Variants in DNAAF9 observed in about 807,000 individuals in gnomAD.
DNAAF9 encodes dynein axonemal assembly factor 9.
DNAAF9 carries 90 observed loss-of-function variants against 167.0 expected under a neutral mutation model. That is an observed-to-expected ratio of 0.54 (90% confidence interval 0.45 to 0.64). DNAAF9 has a LOEUF of 0.64. DNAAF9 is among the 30% of genes least tolerant of loss of function. DNAAF9 has a pLI of 0.00. For missense variants in DNAAF9, 1,315 were observed against 1,442.2 expected (o/e 0.91, Z 1.43); for synonymous variants, 491 against 508.8 (o/e 0.96, Z 0.47).
rs114821158 is a variant in DNAAF9 at position 3,330,337 on chromosome 20, G to A, written c.1100+309C>T. 2.8e-3 allele frequency among the ~76,000 whole-genome samples: 433 copies of A among 152,204 alleles called. 4 individuals are homozygous for A. Among genetic ancestry groups the A allele is most frequent in the African/African-American group, 9.6e-3 (399 of 41,518 alleles). ...AGCTCAGTGAAATCTCGACCTCCCAGGCTTAAGTGATCCTCCCACCTCAGC... is the reference window on the plus strand; with the variant it reads ...AGCTCAGTGAAATCTCGACCTCCCAAGCTTAAGTGATCCTCCCACCTCAGC... On this transcript the variant is annotated intron_variant, in intron 12 of 36. Coordinates refer to ENST00000252032, the MANE Select transcript of DNAAF9 (RefSeq NM_001009984.3).
At chr20:3,345,925 C>T (rs1431969874) in intron 8 of DNAAF9, among the ~76,000 whole-genome samples, 7 of 151,964 alleles carry the variant, frequency 4.6e-5, no homozygotes, top group Admixed American at 3.9e-4. Flanking sequence ...CAGAGCGACA[C>T]TCCATCCCAA....
intron 29 of DNAAF9, among the ~76,000 whole-genome samples, 175 bp from the exon 30 acceptor site, chr20:3,270,737 C>T (rs1009776460): frequency 3.2e-4 from 48 of 152,250 alleles, no homozygotes; most frequent in Non-Finnish European, 6.6e-4. Flanking sequence ...TCCCACTTCC[C>T]GGCACTGCCA....
intron 20 of DNAAF9, among the ~76,000 whole-genome samples, chr20:3,308,794 T>C (rs1408975646): frequency 1.3e-5 from 2 of 150,834 alleles, no homozygotes; most frequent in Non-Finnish European, 2.9e-5. Context: ...CTAGCCAACA[T>C]GGTGAAACTC....
intron 10 of DNAAF9, 64 bp downstream of exon 10, chr20:3,340,435 CCCCCA>C: frequency 1.9e-5 from 4 of 212,126 alleles, no homozygotes; most frequent in Non-Finnish European, 4.0e-5. Context: ...TGTCTAGCTC[CCCCCA>C]CCCACCCCAC....
At chr20:3,364,874 C>A (rs985297783) in intron 6 of DNAAF9, among the ~76,000 whole-genome samples, 9 of 151,164 alleles carry the variant, frequency 6.0e-5, no homozygotes, top group Non-Finnish European at 1.2e-4. Context: ...AATCCCTTTC[C>A]CTCCCTTCCC....
intron 6 of DNAAF9, among the ~76,000 whole-genome samples, chr20:3,360,402 C>T (rs2083345538): frequency 6.6e-6 from 1 of 152,154 alleles, no homozygotes; most frequent in African/African-American, 2.4e-5. Context: ...CAAGTGTGAG[C>T]CACTGTGCCT....
chr20:3,374,526 C>T (rs2123223222), intron 5 of DNAAF9, among the ~76,000 whole-genome samples: 1 of 152,350 alleles, frequency 6.6e-6, no homozygotes, highest in Admixed American at 6.5e-5. Context: ...AGCCAATCAA[C>T]TTCCTCAAGG....
chr20:3,333,018 G>C (rs951869269), intron 10 of DNAAF9, among the ~76,000 whole-genome samples: 2 of 151,330 alleles, frequency 1.3e-5, no homozygotes, highest in African/African-American at 4.9e-5. Flanking sequence ...TGATTCAGAA[G>C]GAAAAAGGAA....
chr20:3,363,994 G>T lies in DNAAF9; in HGVS notation c.613-4401C>A, dbSNP rs373628839. On this transcript the variant is annotated intron_variant, in intron 6 of 36. Transcript: ENST00000252032. ...GGTTTTTTTTGTTTTTGAGACAGGGGTCTTGCTATGTTCCCCAGGCTGGCC... is the reference window on the plus strand; with the variant it reads ...GGTTTTTTTTGTTTTTGAGACAGGGTTCTTGCTATGTTCCCCAGGCTGGCC... Among the ~76,000 whole-genome samples, 6 of 152,150 alleles carry T rather than the reference G, an allele frequency of 3.9e-5. No individual in the cohort carries two copies. The East Asian group carries it at 9.6e-4, about 24-fold the overall frequency.
Position 3,251,078 on chromosome 20 carries a change from C to A in DNAAF9, c.*1494G>T, listed in dbSNP as rs1415291461. 1 of 151,924 alleles carries A rather than the reference C, an allele frequency of 6.6e-6. No individual in the cohort carries two copies. The highest frequency in any genetic ancestry group is 1.5e-5 in the Non-Finnish European group (1 of 68,002). The allele number at this position is 151,924 out of a possible 1,614,324, so 9.4% of individuals were successfully genotyped here. A position where few individuals can be genotyped will look rare whatever the true frequency, so the allele number is the denominator to read the frequency against. ...TGGAGCACGTGGGTCTTTTCAGAAG[C>A]CCTTCTTGATGCAAAATTTCTTATC... On this transcript the variant is annotated 3_prime_UTR_variant, in exon 37 of 37. Transcript: ENST00000252032.
intron 26 of DNAAF9, among the ~76,000 whole-genome samples, chr20:3,288,434 G>C (rs1393462835): frequency 6.6e-6 from 1 of 152,194 alleles, no homozygotes; most frequent in East Asian, 1.9e-4. Context: ...TGGGCAACAA[G>C]AGTGAAACTC....
At chr20:3,378,265 TG>T (rs2083601835) in intron 3 of DNAAF9, among the ~76,000 whole-genome samples, 1 of 152,206 alleles carries the variant, frequency 6.6e-6, no homozygotes, top group African/African-American at 2.4e-5. Flanking sequence ...AGCTCTCAGC[TG>T]TTGGCTCATC....
At chr20:3,368,102 CAT>C (rs145819880) in intron 6 of DNAAF9, among the ~76,000 whole-genome samples, 30,158 of 151,976 alleles carry the variant, frequency 0.2, 3,270 homozygotes, top group African/African-American at 0.26. Context: ...TTACCACACA[CAT>C]GACTGCACTG....
At chr20:3,284,704 G>A (rs986518053) in intron 27 of DNAAF9, among the ~76,000 whole-genome samples, 20 of 152,274 alleles carry the variant, frequency 1.3e-4, no homozygotes, top group Admixed American at 9.2e-4. Flanking sequence ...CCTACAATCT[G>A]AGTGTGCACA....
chr20:3,368,364 T>C (rs2083458107), intron 6 of DNAAF9, among the ~76,000 whole-genome samples: 1 of 152,168 alleles, frequency 6.6e-6, no homozygotes, highest in South Asian at 2.1e-4. Context: ...GATTCCTCAC[T>C]GCCTGATGCC....
chr20:3,365,832 C>T (rs2083426430), intron 6 of DNAAF9, among the ~76,000 whole-genome samples: 1 of 152,224 alleles, frequency 6.6e-6, no homozygotes, highest in African/African-American at 2.4e-5. Flanking sequence ...AGCATCTTCA[C>T]CAGGAGTAGA....
intron 20 of DNAAF9, among the ~76,000 whole-genome samples, chr20:3,305,181 C>T (rs1322424969): frequency 6.6e-6 from 1 of 152,160 alleles, no homozygotes; most frequent in Admixed American, 6.5e-5. Flanking sequence ...CCTGGATGGT[C>T]AAGGTCATAT....
At chr20:3,277,562 C>T (rs528200633) in intron 29 of DNAAF9, among the ~76,000 whole-genome samples, 1 of 152,090 alleles carries the variant, frequency 6.6e-6, no homozygotes, top group Admixed American at 6.6e-5. Context: ...TACCACCAAC[C>T]TTCCTAATCT....
chr20:3,296,687 T>C, intron 23 of DNAAF9, 174 bp downstream of exon 23: 1 of 630,428 alleles, frequency 1.6e-6, no homozygotes. Context: ...GGCCCTCTCT[T>C]GCCTTCTATT....
Sources: gnomAD v4.1 joint callset for allele counts (sites outside exome capture counted in the v4.1 genomes callset) on GRCh38, gnomAD v4.1.1 for gene constraint, MANE v1.5 for transcripts, NCBI Gene and HGNC (gene_info 2026-07-23, HGNC 2026-07-21) for gene names.